The following SLIT3 variants were observed in gnomAD, a reference collection of about 807,000 sequenced individuals.
The protein encoded by SLIT3 is slit guidance ligand 3.
SLIT3 carries 68 observed loss-of-function variants against 184.0 expected under a neutral mutation model. That is an observed-to-expected ratio of 0.37 (90% CI 0.30 to 0.45). The LOEUF is 0.45. SLIT3 is among the 20% of genes least tolerant of loss of function. The pLI, the probability that SLIT3 is intolerant of heterozygous loss-of-function variation, is 1.00. For synonymous variants in SLIT3, 831 were observed against 828.6 expected (o/e 1.00, Z -0.05); for missense variants, 1,707 against 2,026.0 (o/e 0.84, Z 3.02).
chr5:169,107,544 C>A (rs1191428064), intron 4 of SLIT3, among the ~76,000 whole-genome samples: 2 of 152,192 alleles, frequency 1.3e-5, no homozygotes, highest in African/African-American at 2.4e-5. Context: ...GATAACCTCT[C>A]CCAAGGGGTG....
At chr5:169,187,111 GTTTTTTTTTT>G (rs761501769) in intron 4 of SLIT3, among the ~76,000 whole-genome samples, 1 of 94,420 alleles carries the variant, frequency 1.1e-5, no homozygotes, top group Non-Finnish European at 1.9e-5. Context: ...GCAGCTATAG[GTTTTTTTTTT>G]TTTTTTTTTT....
At chr5:168,858,635 C>G (rs934968302) in intron 5 of SLIT3, among the ~76,000 whole-genome samples, 6 of 152,266 alleles carry the variant, frequency 3.9e-5, no homozygotes, top group Non-Finnish European at 5.9e-5. Context: ...GCTCCCTCAG[C>G]TGCTCCTGGC....
chr5:169,073,817 C>T (rs1428232495), intron 4 of SLIT3, among the ~76,000 whole-genome samples: 1 of 152,138 alleles, frequency 6.6e-6, no homozygotes, highest in East Asian at 1.9e-4. Flanking sequence ...AAAGCAGATG[C>T]TTGCACCACA....
chr5:169,191,943 T>C (rs780829772), intron 4 of SLIT3, among the ~76,000 whole-genome samples: 1 of 152,196 alleles, frequency 6.6e-6, no homozygotes, highest in Non-Finnish European at 1.5e-5. Flanking sequence ...TTTAAATTGA[T>C]GCTTATGTCT....
chr5:168,760,415 T>C (rs1755105487), intron 16 of SLIT3, among the ~76,000 whole-genome samples: 1 of 152,196 alleles, frequency 6.6e-6, no homozygotes, highest in Non-Finnish European at 1.5e-5. Flanking sequence ...TGCTGGCATG[T>C]TCATTCTGAT....
At chr5:168,978,522 T>C (rs1482933438) in intron 4 of SLIT3, among the ~76,000 whole-genome samples, 1 of 152,118 alleles carries the variant, frequency 6.6e-6, no homozygotes, top group Non-Finnish European at 1.5e-5. Flanking sequence ...ATTCTACCTG[T>C]CAACTCAGCC....
At chr5:168,672,218 G>C (rs1286585553) in intron 33 of SLIT3, among the ~76,000 whole-genome samples, 1 of 152,136 alleles carries the variant, frequency 6.6e-6, no homozygotes, top group African/African-American at 2.4e-5. Flanking sequence ...TCCTCCTCCA[G>C]GGATAAGTGG....
chr5:169,167,553 G>A (rs1762680795), intron 4 of SLIT3, among the ~76,000 whole-genome samples: 1 of 152,004 alleles, frequency 6.6e-6, no homozygotes, highest in South Asian at 2.1e-4. Context: ...TGGGATTACA[G>A]GCTTGAGCCA....
chr5:169,206,438 G>A (rs961135677), intron 3 of SLIT3, among the ~76,000 whole-genome samples: 4 of 152,170 alleles, frequency 2.6e-5, no homozygotes, highest in Non-Finnish European at 1.5e-5. Context: ...TCACAGGTAG[G>A]AAACTGCCAG....
intron 12 of SLIT3, among the ~76,000 whole-genome samples, chr5:168,781,751 C>A (rs569025644): frequency 1.3e-5 from 2 of 152,232 alleles, no homozygotes; most frequent in South Asian, 2.1e-4. Flanking sequence ...CTCTGCAGAT[C>A]AAAAAACCGG....
chr5:169,137,335 C>CAG (rs1554101372), intron 4 of SLIT3, among the ~76,000 whole-genome samples: 4,065 of 138,588 alleles, frequency 0.029, 241 homozygotes, highest in African/African-American at 0.11. Context: ...CACACACACA[C>CAG]AGAGAGAGAG....
chr5:168,833,498 C>G (rs1371809851), intron 6 of SLIT3, among the ~76,000 whole-genome samples: 1 of 152,204 alleles, frequency 6.6e-6, no homozygotes, highest in Non-Finnish European at 1.5e-5. Context: ...AGACTGCCAT[C>G]TGACTGGACA....
At chr5:168,705,201 G>A (rs540942866) in intron 26 of SLIT3, among the ~76,000 whole-genome samples, 2 of 152,308 alleles carry the variant, frequency 1.3e-5, no homozygotes, top group South Asian at 4.1e-4. Context: ...CAGGCAGTGA[G>A]TGCAGTGGCC....
chr5:168,961,102 G>T (rs986938232), intron 4 of SLIT3, among the ~76,000 whole-genome samples: 9 of 152,130 alleles, frequency 5.9e-5, no homozygotes, highest in South Asian at 2.1e-4. Flanking sequence ...TTCCCAGAAG[G>T]CATGGCCATT....
chr5:168,975,830 T>C (rs1327696323), intron 4 of SLIT3, among the ~76,000 whole-genome samples: 1 of 152,044 alleles, frequency 6.6e-6, no homozygotes, highest in Non-Finnish European at 1.5e-5. Flanking sequence ...CCAAATGGAG[T>C]TACTACTTTT....
chr5:169,013,347 C>T (rs12515863), intron 4 of SLIT3: 19,049 of 152,306 alleles, frequency 0.13, 1,594 homozygotes, highest in South Asian at 0.33. Context: ...AACTCAAGCT[C>T]CGTGTGCTGC....
At chr5:168,873,518 C>A (rs371995781) in intron 5 of SLIT3, among the ~76,000 whole-genome samples, 2 of 151,852 alleles carry the variant, frequency 1.3e-5, no homozygotes, top group East Asian at 1.9e-4. Flanking sequence ...GTAATCCTAG[C>A]TACTTGGGAG....
chr5:168,803,286 TGAAAGGATGC>T (rs1756833771), intron 9 of SLIT3, among the ~76,000 whole-genome samples: 1 of 152,224 alleles, frequency 6.6e-6, no homozygotes. Flanking sequence ...GTCCAAAAAC[TGAAAGGATGC>T]TCCTTTAAAC....
intron 1 of SLIT3, among the ~76,000 whole-genome samples, chr5:169,276,043 C>T (rs533880458): frequency 3.9e-5 from 6 of 152,128 alleles, no homozygotes; most frequent in African/African-American, 1.4e-4. Flanking sequence ...GGGGGAGTGA[C>T]GCGAAGTCTT....
Sources: gnomAD v4.1 joint callset for allele counts (sites outside exome capture counted in the v4.1 genomes callset) on GRCh38, gnomAD v4.1.1 for gene constraint, MANE v1.5 for transcripts, NCBI Gene and HGNC (gene_info 2026-07-23, HGNC 2026-07-21) for gene names.